Variants in SLC44A1 observed in about 807,000 individuals in gnomAD.
SLC44A1 encodes the protein choline transporter-like protein 1.
A neutral mutation model predicts 79.3 loss-of-function variants in SLC44A1; 26 were observed. The ratio of observed to expected loss-of-function variants is 0.33; its 90% confidence interval spans 0.24 to 0.46. SLC44A1 has a LOEUF of 0.46. Ranked by LOEUF, SLC44A1 falls within the 20% of genes least tolerant of loss-of-function variation. The probability of loss-of-function intolerance (pLI) is 1.00; values close to 1 mark genes in which losing one functional copy is unlikely to be tolerated. For missense variants in SLC44A1, 688 were observed against 798.1 expected (o/e 0.86, Z 1.66); for synonymous variants, 263 against 286.2 (o/e 0.92, Z 0.82).
intron 1 of SLC44A1, among the ~76,000 whole-genome samples, chr9:105,292,891 A>G (rs1830634917): frequency 6.6e-6 from 1 of 152,190 alleles, no homozygotes; most frequent in African/African-American, 2.4e-5. Flanking sequence ...TATTTTCTGA[A>G]GCTGGGTCTG....
In SLC44A1 at chr9:105,336,145, T is replaced by A. The variant is rs1397667; in HGVS notation, c.406+446T>A. 8.5e-3 allele frequency among the ~76,000 whole-genome samples: 1,288 copies of A among 151,938 alleles called. 9 individuals carry two copies. The highest frequency in any genetic ancestry group is 0.017 in the Admixed American group (253 of 15,250). ...GTGTGTGTGTGTGCATGTGTGTGTG[T>A]GTGTGTGTGTGTGTGTGTATCTCCC... On this transcript the variant is annotated intron_variant, in intron 4 of 15. Coordinates refer to ENST00000374720, the MANE Select transcript of SLC44A1 (RefSeq NM_080546.5).
Position 105,316,301 on chromosome 9 carries a change from C to T in SLC44A1, c.269+6435C>T, listed in dbSNP as rs143967752. 2.4e-3 allele frequency among the ~76,000 whole-genome samples: 365 copies of T among 152,046 alleles called. 3 individuals are homozygous for T. Among genetic ancestry groups the T allele is most frequent in the African/African-American group, 8.1e-3 (338 of 41,474 alleles). On this transcript the variant is annotated intron_variant, in intron 3 of 15. Transcript: ENST00000374720. ...AAGGTTACAATGGGAGGTCCTGGCC[C>T]GGTCTTAGATACTGTGGAGTCAGTA...
chr9:105,388,400 T>C (rs1828684128), intron 15 of SLC44A1, among the ~76,000 whole-genome samples: 1 of 152,208 alleles, frequency 6.6e-6, no homozygotes, highest in Non-Finnish European at 1.5e-5. Flanking sequence ...GAAAGTTCTA[T>C]AAAAGAGCAT....
chr9:105,396,143 A>C lies in SLC44A1; in HGVS notation c.*7087A>C. ...TCTGCTGTGTTGCCTTAATGCTACT[A>C]GATTGTGTTGTGTTGTTGGAGTTTT... is the stretch of plus-strand genomic sequence containing the variant. On this transcript the variant is annotated 3_prime_UTR_variant, in exon 16 of 16. Transcript: ENST00000374720. 1 of 985,358 alleles carries C rather than the reference A, an allele frequency of 1.0e-6. No individual in the cohort carries two copies. The highest frequency in any genetic ancestry group is 1.2e-6 in the Non-Finnish European group (1 of 829,916). 61.0% of individuals were successfully genotyped at this position (985,358 alleles called of 1,614,324 possible). A position where few individuals can be genotyped will look rare whatever the true frequency, so the allele number is the denominator to read the frequency against.
intron 15 of SLC44A1, among the ~76,000 whole-genome samples, chr9:105,413,618 A>G (rs1225195445): frequency 6.6e-6 from 1 of 152,222 alleles, no homozygotes; most frequent in Non-Finnish European, 1.5e-5. Flanking sequence ...TTACTGTTAC[A>G]TGAGAAGAAT....
chr9:105,288,307 C>G (rs1588737508), intron 1 of SLC44A1, among the ~76,000 whole-genome samples: 1 of 152,074 alleles, frequency 6.6e-6, no homozygotes, highest in East Asian at 1.9e-4. Flanking sequence ...CTCATAATAG[C>G]ATTGTATTGA....
chr9:105,268,649 C>T (rs531991635), intron 1 of SLC44A1, among the ~76,000 whole-genome samples: 1 of 152,144 alleles, frequency 6.6e-6, no homozygotes, highest in East Asian at 1.9e-4. Flanking sequence ...TACAGGCAAG[C>T]ACCACCACGC....
At position 105,374,641 on chromosome 9, in the gene SLC44A1, C is replaced by T. The variant is rs1450288645; in HGVS notation, c.1538C>T (p.Thr513Ile). ...ATAINSTNFC[T>I]SAKDAFVILV... is the part of the protein sequence containing the mutation. ...GCTATCAACAGCACCAACTTCTGCA[C>T]CTCAGCAAAGGATGCCTTTGTCATT... The change falls in exon 13 of 16, where the codon ACC becomes ATC. Residue 513 changes from threonine to isoleucine, a missense_variant. By Grantham distance (89) the Thr-to-Ile change is moderately conservative. Coordinates refer to ENST00000374720, the MANE Select transcript of SLC44A1 (RefSeq NM_080546.5). 27 of 1,613,950 alleles carry T rather than the reference C, an allele frequency of 1.7e-5. No individual in the cohort carries two copies. Among genetic ancestry groups the T allele is most frequent in the Non-Finnish European group, 2.1e-5 (25 of 1,179,942 alleles).
At chr9:105,340,018 T>C (rs1454295838) in intron 4 of SLC44A1, among the ~76,000 whole-genome samples, 1 of 152,048 alleles carries the variant, frequency 6.6e-6, no homozygotes, top group Non-Finnish European at 1.5e-5. Context: ...AAAGTAGAAG[T>C]GTGGTTGCCA....
At chr9:105,368,212 T>A (rs1393614972) in intron 12 of SLC44A1, among the ~76,000 whole-genome samples, 3 of 149,496 alleles carry the variant, frequency 2.0e-5, no homozygotes, top group South Asian at 4.2e-4. Flanking sequence ...TTTTTTTTTT[T>A]ACAGATTTTG....
chr9:105,396,430 A>G lies in SLC44A1; in HGVS notation c.*7374A>G, dbSNP rs1828876246. The G allele has an allele frequency of 1.0e-6, 1 of 985,332 alleles. No individual in the cohort carries two copies. Among genetic ancestry groups the G allele is most frequent in the Non-Finnish European group, 1.2e-6 (1 of 829,944 alleles). 61.0% of individuals were successfully genotyped at this position (985,332 alleles called of 1,614,324 possible). ...ACAAAACCCTATCTTCTGAAGACCAAAGGTCCAACTTTACTTACTGGCTGG... is the reference window on the plus strand; with the variant it reads ...ACAAAACCCTATCTTCTGAAGACCAGAGGTCCAACTTTACTTACTGGCTGG... On this transcript the variant is annotated 3_prime_UTR_variant, in exon 16 of 16. Coordinates refer to ENST00000374720, the MANE Select transcript of SLC44A1 (RefSeq NM_080546.5).
chr9:105,261,715 G>A (rs1829842467), intron 1 of SLC44A1, among the ~76,000 whole-genome samples: 2 of 151,788 alleles, frequency 1.3e-5, no homozygotes, highest in Non-Finnish European at 2.9e-5. Context: ...GAGATGCTAC[G>A]GAGGGGTGTA....
intron 3 of SLC44A1, among the ~76,000 whole-genome samples, chr9:105,313,926 A>AT (rs991953322): frequency 1.7e-4 from 25 of 150,362 alleles, no homozygotes; most frequent in African/African-American, 5.1e-4. Flanking sequence ...TGCCTGGCTA[A>AT]TTTTTTTTTG....
At chr9:105,377,032 TA>T (rs1377941391) in intron 13 of SLC44A1, among the ~76,000 whole-genome samples, 4 of 152,190 alleles carry the variant, frequency 2.6e-5, no homozygotes, top group African/African-American at 9.7e-5. Context: ...AAAATTTTTT[TA>T]AAAGCCTTTT....
chr9:105,385,855 T>C, intron 15 of SLC44A1: 1 of 985,446 alleles, frequency 1.0e-6, no homozygotes, highest in Non-Finnish European at 1.2e-6. Flanking sequence ...TGGTGTACAC[T>C]TGAACTGACG....
At chr9:105,266,022 A>G (rs550690936) in intron 1 of SLC44A1, among the ~76,000 whole-genome samples, 2 of 152,164 alleles carry the variant, frequency 1.3e-5, no homozygotes, top group South Asian at 4.2e-4. Context: ...CAGTGGTGCA[A>G]TCATAACTCA....
At chr9:105,327,292 T>C (rs7863918) in intron 3 of SLC44A1, among the ~76,000 whole-genome samples, 9,443 of 151,450 alleles carry the variant, frequency 0.062, 980 homozygotes, top group African/African-American at 0.22. Flanking sequence ...TTCTAACATC[T>C]TTTTTTTTGA....
chr9:105,327,619 A>G (rs1305737638), intron 3 of SLC44A1, among the ~76,000 whole-genome samples: 1 of 152,146 alleles, frequency 6.6e-6, no homozygotes, highest in African/African-American at 2.4e-5. Context: ...CCAGCCGTCT[A>G]TGAACCATCC....
chr9:105,391,790 G>C lies in SLC44A1; in HGVS notation c.*2734G>C. On this transcript the variant is annotated 3_prime_UTR_variant, in exon 16 of 16. Transcript: ENST00000374720. Reference sequence around the variant, plus strand: ...AAGAACAGAAATTTCTCTGTGAAATGTGGATACCCGAATAATTTCATAAAT... The same window carrying C: ...AAGAACAGAAATTTCTCTGTGAAATCTGGATACCCGAATAATTTCATAAAT... 1 of 985,330 alleles carries C rather than the reference G, an allele frequency of 1.0e-6. No homozygotes were observed. Among genetic ancestry groups the C allele is most frequent in the Non-Finnish European group, 1.2e-6 (1 of 829,882 alleles). 61.0% of individuals were successfully genotyped at this position (985,330 alleles called of 1,614,324 possible).
Sources: gnomAD v4.1 joint callset for allele counts (sites outside exome capture counted in the v4.1 genomes callset) on GRCh38, gnomAD v4.1.1 for gene constraint, MANE v1.5 for transcripts, NCBI Gene and HGNC (gene_info 2026-07-23, HGNC 2026-07-21) for gene names.